Variants in TASP1 observed in about 807,000 individuals in gnomAD.
TASP1 encodes the protein threonine aspartase 1.
Under a neutral mutation model 56.6 loss-of-function variants are expected in TASP1, and 16 were observed. The observed-to-expected ratio is 0.28, with a 90% CI of 0.19 to 0.43. TASP1 has a LOEUF of 0.43. Ranked by LOEUF, TASP1 falls within the 20% of genes least tolerant of loss-of-function variation. TASP1 has a pLI of 1.00. For missense variants in TASP1, 393 were observed against 511.6 expected (o/e 0.77, Z 2.24); for synonymous variants, 179 against 184.2 (o/e 0.97, Z 0.23).
chr20:13,297,038 CA>C, the TASP1 span, among the ~76,000 whole-genome samples: 20,764 of 150,044 alleles, frequency 0.14, 1,490 homozygotes, highest in East Asian at 0.18. Context: ...CACCCCCCGC[CA>C]AAAAAAAAGA....
At chr20:13,301,426 T>A in the TASP1 span, among the ~76,000 whole-genome samples, 1 of 152,202 alleles carries the variant, frequency 6.6e-6, no homozygotes, top group Non-Finnish European at 1.5e-5. Context: ...TGGCCTCAAG[T>A]GTTCTGCCTG....
intron 12 of TASP1, among the ~76,000 whole-genome samples, chr20:13,430,071 C>A (rs1157179789): frequency 1.3e-5 from 2 of 151,982 alleles, no homozygotes; most frequent in Non-Finnish European, 2.9e-5. Context: ...TTACAGACTG[C>A]AATGTAAAAG....
chr20:13,359,694 T>C, the TASP1 span, among the ~76,000 whole-genome samples: 2 of 132,524 alleles, frequency 1.5e-5, no homozygotes, highest in Admixed American at 7.5e-5. Flanking sequence ...TCCTTTTTAG[T>C]TATCCCCACC....
the TASP1 span, among the ~76,000 whole-genome samples, chr20:13,359,837 T>A: frequency 2.6e-5 from 4 of 151,324 alleles, no homozygotes; most frequent in Non-Finnish European, 4.4e-5. Flanking sequence ...TCCTCTTCTA[T>A]CCCCCACCTT....
intron 7 of TASP1, among the ~76,000 whole-genome samples, chr20:13,564,061 T>A (rs1308834225): frequency 6.6e-6 from 1 of 152,060 alleles, no homozygotes; most frequent in Non-Finnish European, 1.5e-5. Context: ...GAACTAGAAG[T>A]CCTAGAAGTA....
intron 10 of TASP1, among the ~76,000 whole-genome samples, chr20:13,497,405 C>G (rs556059248): frequency 8.5e-5 from 13 of 152,268 alleles, no homozygotes; most frequent in Admixed American, 2.0e-4. Context: ...AGTGGTAAGA[C>G]AAAGGAAGAT....
At chr20:13,174,608 A>G in the TASP1 span, among the ~76,000 whole-genome samples, 1 of 152,078 alleles carries the variant, frequency 6.6e-6, no homozygotes, top group East Asian at 1.9e-4. Context: ...CTGAGGCGGT[A>G]GAATCACTTG....
intron 1 of TASP1, among the ~76,000 whole-genome samples, chr20:13,636,707 C>T (rs1219513429): frequency 6.6e-6 from 1 of 151,946 alleles, no homozygotes; most frequent in Non-Finnish European, 1.5e-5. Context: ...AAACAATAAC[C>T]TACACTTTTA....
chr20:13,528,219 CAAAAAAAAAAAAAAA>C (rs397942980), intron 10 of TASP1, among the ~76,000 whole-genome samples, 199 bp downstream of exon 10: 2 of 54,338 alleles, frequency 3.7e-5, no homozygotes, highest in South Asian at 1.1e-3. Flanking sequence ...GACTCTGACT[CAAAAAAAAAAAAAAA>C]AAAAAAAAAA....
intron 10 of TASP1, among the ~76,000 whole-genome samples, chr20:13,527,119 C>T (rs972877413): frequency 6.6e-6 from 1 of 152,004 alleles, no homozygotes; most frequent in Non-Finnish European, 1.5e-5. Context: ...GGGCTGTGGG[C>T]AATGGGAGGA....
At chr20:13,279,374 A>C in the TASP1 span, among the ~76,000 whole-genome samples, 1 of 152,088 alleles carries the variant, frequency 6.6e-6, no homozygotes, top group Non-Finnish European at 1.5e-5. Flanking sequence ...TCCAGCTATT[A>C]AGTTTTTAGT....
the TASP1 span, among the ~76,000 whole-genome samples, chr20:13,220,987 A>C: frequency 2.6e-5 from 4 of 152,052 alleles, no homozygotes; most frequent in African/African-American, 7.2e-5. Context: ...CGGCAGGCTG[A>C]CGCTGCCGCC....
chr20:13,312,086 C>CAT, the TASP1 span, among the ~76,000 whole-genome samples: 16 of 152,152 alleles, frequency 1.1e-4, no homozygotes, highest in South Asian at 2.1e-4. Flanking sequence ...TTTAAAAGAA[C>CAT]ATATATATAT....
At chr20:13,302,566 C>G in the TASP1 span, among the ~76,000 whole-genome samples, 1 of 152,208 alleles carries the variant, frequency 6.6e-6, no homozygotes, top group African/African-American at 2.4e-5. Flanking sequence ...ATCATCTGCT[C>G]AAGGGCCAGC....
chr20:13,325,850 T>C, the TASP1 span, among the ~76,000 whole-genome samples: 1 of 152,228 alleles, frequency 6.6e-6, no homozygotes, highest in Admixed American at 6.5e-5. Flanking sequence ...CATTGTTCTT[T>C]AATCCCAGCA....
intron 1 of TASP1, among the ~76,000 whole-genome samples, chr20:13,632,300 G>C (rs571590422): frequency 6.0e-5 from 9 of 150,120 alleles, no homozygotes; most frequent in Admixed American, 5.3e-4. Flanking sequence ...CGGGAGGCGA[G>C]GTTGCAGTGA....
chr20:13,505,271 A>G (rs1308365664), intron 10 of TASP1, among the ~76,000 whole-genome samples: 1 of 152,216 alleles, frequency 6.6e-6, no homozygotes, highest in African/African-American at 2.4e-5. Flanking sequence ...CTAAACAAAT[A>G]TTAACAGATC....
At chr20:13,301,438 C>T in the TASP1 span, among the ~76,000 whole-genome samples, 1 of 152,196 alleles carries the variant, frequency 6.6e-6, no homozygotes, top group East Asian at 1.9e-4. Flanking sequence ...TTCTGCCTGC[C>T]TTGGCCTCCC....
chr20:13,511,318 G>A (rs920924421), intron 10 of TASP1, among the ~76,000 whole-genome samples: 3 of 152,106 alleles, frequency 2.0e-5, no homozygotes, highest in African/African-American at 7.2e-5. Flanking sequence ...GCAAGCAAGA[G>A]AAGTGGAGAA....
Sources: gnomAD v4.1 joint callset for allele counts (sites outside exome capture counted in the v4.1 genomes callset) on GRCh38, gnomAD v4.1.1 for gene constraint, MANE v1.5 for transcripts, NCBI Gene and HGNC (gene_info 2026-07-23, HGNC 2026-07-21) for gene names.